RBFOX1: variants seen among roughly 807,000 people sequenced by gnomAD.
The protein encoded by RBFOX1 is RNA binding fox-1 homolog 1.
In RBFOX1, 8 loss-of-function variants were observed where a neutral mutation model predicts 57.7. That is an observed-to-expected ratio of 0.14 (90% CI 0.08 to 0.25). The LOEUF (loss-of-function observed/expected upper bound fraction) is 0.25. Ranked by LOEUF, RBFOX1 falls within the 10% of genes least tolerant of loss-of-function variation. The pLI is 1.00. For missense variants in RBFOX1, 611 were observed against 548.5 expected (o/e 1.11, Z -1.14); for synonymous variants, 326 against 222.4 (o/e 1.47, Z -4.15).
In RBFOX1 at chr16:6,764,674, C is replaced by T. The variant is rs933319367; in HGVS notation, c.-16+110024C>T. ...TGCATGGGCTGGGTGCAGTGGCTCA[C>T]GCCTGTAATCCCAGCACTTTTGGAG... On this transcript the variant is annotated intron_variant, in intron 3 of 15. Transcript: ENST00000550418. 9.2e-5 allele frequency among the ~76,000 whole-genome samples: 14 copies of T among 152,258 alleles called. No individual in the cohort carries two copies. The East Asian group carries it at 1.2e-3, about 13-fold the overall frequency.
At chr16:5,968,316 C>A (rs973056176) in intron 4 of RBFOX1, among the ~76,000 whole-genome samples, 1 of 152,090 alleles carries the variant, frequency 6.6e-6, no homozygotes, top group Non-Finnish European at 1.5e-5. Flanking sequence ...ATCACATGAT[C>A]CCCCCGCCTC....
intron 4 of RBFOX1, among the ~76,000 whole-genome samples, chr16:7,079,167 C>T (rs915930230): frequency 7.2e-5 from 11 of 152,198 alleles, no homozygotes; most frequent in African/African-American, 2.6e-4. Flanking sequence ...TAATCAGACT[C>T]ACTGACTTCA....
intron 2 of RBFOX1, among the ~76,000 whole-genome samples, chr16:6,549,431 A>AGGG (rs2096949484): frequency 3.4e-5 from 1 of 29,666 alleles, no homozygotes; most frequent in Non-Finnish European, 6.4e-5. Context: ...GGAGGGGAGG[A>AGGG]GGGAGGAGGA....
intron 1 of RBFOX1, among the ~76,000 whole-genome samples, chr16:6,225,342 A>G (rs2097408549): frequency 6.6e-6 from 1 of 152,166 alleles, no homozygotes; most frequent in South Asian, 2.1e-4. Context: ...CTTCTAAAAA[A>G]TGTGCCCACA....
At chr16:5,991,894 A>C (rs932087265) in intron 4 of RBFOX1, among the ~76,000 whole-genome samples, 1 of 152,200 alleles carries the variant, frequency 6.6e-6, no homozygotes, top group Non-Finnish European at 1.5e-5. Flanking sequence ...AATGGAAGGC[A>C]TTTAAAAGCA....
rs2081200479 is a variant in RBFOX1, at chr16:6,317,070, C to T, written c.-64+13C>T. The T allele has an allele frequency of 6.5e-7, 1 of 1,526,862 alleles. No individual in the cohort carries two copies. The highest frequency in any genetic ancestry group is 1.2e-5 in the South Asian group (1 of 83,724). The allele number at this position is 1,526,862 out of a possible 1,614,324, so 94.6% of individuals were successfully genotyped here. On this transcript the variant is annotated intron_variant, in intron 2 of 15. Transcript: ENST00000550418. Reference sequence around the variant, plus strand: ...GACTCAGCATTCAGTAAGTGCAACCCATTTTGAACATTCATTCCATAAATA... The same window carrying T: ...GACTCAGCATTCAGTAAGTGCAACCTATTTTGAACATTCATTCCATAAATA...
chr16:5,898,100 CCT>C (rs1424769220), intron 4 of RBFOX1, among the ~76,000 whole-genome samples: 5 of 152,196 alleles, frequency 3.3e-5, no homozygotes, highest in Admixed American at 6.5e-5. Context: ...GGGCAGCAAA[CCT>C]GTCCTTCTTC....
At chr16:7,079,666 G>T (rs1460863787) in intron 4 of RBFOX1, among the ~76,000 whole-genome samples, 1 of 152,156 alleles carries the variant, frequency 6.6e-6, no homozygotes. Flanking sequence ...AGATGAGAGT[G>T]AAAAGTAAAC....
intron 3 of RBFOX1, among the ~76,000 whole-genome samples, chr16:5,777,141 A>G (rs1020753651): frequency 6.6e-6 from 1 of 152,106 alleles, no homozygotes; most frequent in African/African-American, 2.4e-5. Flanking sequence ...ACAATTCTGG[A>G]GGTCACAAGT....
chr16:6,735,579 G>A (rs1296117721), intron 3 of RBFOX1, among the ~76,000 whole-genome samples: 1 of 152,092 alleles, frequency 6.6e-6, no homozygotes, highest in East Asian at 1.9e-4. Flanking sequence ...ACTTGTATTT[G>A]CTTATGTCCC....
chr16:5,620,481 A>T (rs1024123431), intron 3 of RBFOX1, among the ~76,000 whole-genome samples: 10 of 152,162 alleles, frequency 6.6e-5, no homozygotes, highest in African/African-American at 2.2e-4. Flanking sequence ...GCATTTTCTC[A>T]TAGTTCTGGA....
intron 4 of RBFOX1, among the ~76,000 whole-genome samples, chr16:7,290,088 A>AT (rs1568053386): frequency 2.6e-5 from 4 of 152,224 alleles, no homozygotes. Flanking sequence ...ACCTACGTAC[A>AT]TTTACACCGG....
At chr16:7,400,520 G>A (rs1028839654) in intron 4 of RBFOX1, among the ~76,000 whole-genome samples, 1 of 151,946 alleles carries the variant, frequency 6.6e-6, no homozygotes, top group Non-Finnish European at 1.5e-5. Context: ...CTCCCTCCTG[G>A]TCCCTTACAA....
intron 2 of RBFOX1, among the ~76,000 whole-genome samples, chr16:6,468,574 C>T (rs1257037295): frequency 6.6e-6 from 1 of 151,786 alleles, no homozygotes; most frequent in Non-Finnish European, 1.5e-5. Context: ...GGAAATTATT[C>T]TGCCACAAAA....
intron 10 of RBFOX1, among the ~76,000 whole-genome samples, chr16:7,609,572 G>A (rs561009356): frequency 3.9e-5 from 6 of 152,238 alleles, no homozygotes; most frequent in Non-Finnish European, 5.9e-5. Flanking sequence ...ATGTTATAAT[G>A]TAAGTTAATA....
intron 1 of RBFOX1, among the ~76,000 whole-genome samples, chr16:5,318,856 G>C (rs1476165794): frequency 6.6e-6 from 1 of 152,198 alleles, no homozygotes; most frequent in African/African-American, 2.4e-5. Flanking sequence ...GTTGGGGTTG[G>C]GCATGGTGGC....
chr16:6,399,925 G>T (rs952343114), intron 2 of RBFOX1, among the ~76,000 whole-genome samples: 1 of 152,122 alleles, frequency 6.6e-6, no homozygotes, highest in African/African-American at 2.4e-5. Context: ...CCCAGATCTC[G>T]TGAGAACTCA....
intron 4 of RBFOX1, among the ~76,000 whole-genome samples, chr16:7,191,704 T>G (rs1015703188): frequency 3.5e-4 from 53 of 152,264 alleles, no homozygotes; most frequent in Admixed American, 6.5e-5. Flanking sequence ...CTGTCTTCAG[T>G]TGTTTTAAAG....
chr16:5,361,088 C>G (rs897275765), intron 1 of RBFOX1, among the ~76,000 whole-genome samples: 1 of 152,206 alleles, frequency 6.6e-6, no homozygotes, highest in Non-Finnish European at 1.5e-5. Flanking sequence ...TATTCATGAT[C>G]TGATTTAATC....
Sources: gnomAD v4.1 joint callset for allele counts (sites outside exome capture counted in the v4.1 genomes callset) on GRCh38, gnomAD v4.1.1 for gene constraint, MANE v1.5 for transcripts, NCBI Gene and HGNC (gene_info 2026-07-23, HGNC 2026-07-21) for gene names.